REV1: variants seen among roughly 807,000 people sequenced by gnomAD.
REV1 encodes the protein translesion synthesis protein REV1.
In REV1, 42 loss-of-function variants were observed where a neutral mutation model predicts 137.4. The ratio of observed to expected loss-of-function variants is 0.31; its 90% CI spans 0.24 to 0.40. REV1 has a LOEUF of 0.40. Ranked by LOEUF, REV1 falls within the 10% of genes least tolerant of loss-of-function variation. The probability of loss-of-function intolerance (pLI) is 1.00; values close to 1 mark genes in which losing one functional copy is unlikely to be tolerated. For synonymous variants in REV1, 524 were observed against 519.2 expected (o/e 1.01, Z -0.12); for missense variants, 1,282 against 1,490.1 (o/e 0.86, Z 2.30).
intron 3 of REV1, among the ~76,000 whole-genome samples, chr2:99,460,206 A>G (rs922228165): frequency 6.6e-6 from 1 of 152,100 alleles, no homozygotes; most frequent in Non-Finnish European, 1.5e-5. Flanking sequence ...CCTCCCGAGT[A>G]GCTGGGACTA....
intron 9 of REV1, chr2:99,425,015 T>A: frequency 1.4e-6 from 1 of 728,326 alleles, no homozygotes; most frequent in Non-Finnish European, 1.8e-6. Context: ...TTAGTAAAAT[T>A]CTATTTTATC....
chr2:99,448,480 C>T (rs867562872), intron 4 of REV1, among the ~76,000 whole-genome samples: 1 of 152,094 alleles, frequency 6.6e-6, no homozygotes, highest in Non-Finnish European at 1.5e-5. Flanking sequence ...CATTTCCAAA[C>T]CAACAGCAGA....
intron 3 of REV1, among the ~76,000 whole-genome samples, chr2:99,455,964 G>C (rs1196539324): frequency 6.6e-6 from 1 of 152,024 alleles, no homozygotes; most frequent in African/African-American, 2.4e-5. Flanking sequence ...TGTACTAAAG[G>C]AAGTAGAAAA....
chr2:99,474,434 G>C (rs1685745837), intron 1 of REV1, among the ~76,000 whole-genome samples: 1 of 152,176 alleles, frequency 6.6e-6, no homozygotes, highest in Non-Finnish European at 1.5e-5. Flanking sequence ...CTGCTAAAAA[G>C]TTAAGAATAC....
chr2:99,468,317 G>A (rs999857089), intron 1 of REV1, among the ~76,000 whole-genome samples: 1 of 152,166 alleles, frequency 6.6e-6, no homozygotes, highest in African/African-American at 2.4e-5. Context: ...ACACTAAGAT[G>A]ACTGATTTGC....
rs1678247431 is a variant in REV1 at position 99,418,839 on chromosome 2, G to T, written c.1940C>A (p.Thr647Asn). 3.1e-6 allele frequency: 5 copies of T among 1,611,378 alleles called. No individual in the cohort carries two copies. Among genetic ancestry groups the T allele is most frequent in the Admixed American group, 1.7e-5 (1 of 59,906 alleles). Residue 647 changes from threonine (T) to asparagine (N), a missense_variant, in exon 12 of 23, where the codon ACC (threonine) becomes AAC (asparagine). Coordinates refer to ENST00000258428, the MANE Select transcript of REV1 (RefSeq NM_016316.4). ...ATATTTCTATTTACCTGGTAGATTGGTCACTAGCTGGCCTCTGATAAAATC... is the reference window on the plus strand; with the variant it reads ...ATATTTCTATTTACCTGGTAGATTGTTCACTAGCTGGCCTCTGATAAAATC... ...VDDFIRGQLV[T>N]NLPGVGHSME...
intron 11 of REV1, among the ~76,000 whole-genome samples, chr2:99,419,205 A>AT (rs774732084): frequency 0.018 from 2,050 of 115,956 alleles, 34 homozygotes; most frequent in African/African-American, 0.032. Context: ...AGCAGTCCTG[A>AT]TTTTTTTTTT....
intron 17 of REV1, 54 bp from the exon 18 acceptor site, chr2:99,404,731 T>A: frequency 5.9e-6 from 7 of 1,189,770 alleles, no homozygotes; most frequent in Non-Finnish European, 8.6e-6. Flanking sequence ...AGAGATGAGG[T>A]GTTTGGGAGT....
intron 3 of REV1, among the ~76,000 whole-genome samples, chr2:99,460,100 CT>C (rs1684009278): frequency 1.3e-5 from 2 of 152,100 alleles, no homozygotes; most frequent in African/African-American, 4.8e-5. Flanking sequence ...TTTCTATTTT[CT>C]TTTTTTCACT....
intron 1 of REV1, among the ~76,000 whole-genome samples, chr2:99,470,022 G>A (rs531102878): frequency 5.3e-5 from 8 of 151,908 alleles, no homozygotes; most frequent in Non-Finnish European, 1.2e-4. Flanking sequence ...GTGGGAGGCT[G>A]AGGCAGGAGA....
Position 99,449,507 on chromosome 2 carries a change from G to A in REV1, c.182-3C>T. The A allele has an allele frequency of 7.1e-7, 1 of 1,415,268 alleles. No individual in the cohort carries two copies. Among genetic ancestry groups the A allele is most frequent in the Non-Finnish European group, 9.3e-7 (1 of 1,076,732 alleles). 87.7% of individuals were successfully genotyped at this position (1,415,268 alleles called of 1,614,324 possible). A position where few individuals can be genotyped will look rare whatever the true frequency, so the allele number is the denominator to read the frequency against. On this transcript the variant is annotated splice_polypyrimidine_tract_variant and splice_region_variant and intron_variant, in intron 3 of 22. Transcript: ENST00000258428. ...TCTCAATTCCTCAGCGGAAGGATCTGCAAAATTTATATTAAAATATATTAA... is the reference window on the plus strand; with the variant it reads ...TCTCAATTCCTCAGCGGAAGGATCTACAAAATTTATATTAAAATATATTAA...
intron 1 of REV1, among the ~76,000 whole-genome samples, chr2:99,476,883 G>A (rs948960320): frequency 7.2e-5 from 11 of 152,216 alleles, no homozygotes; most frequent in Non-Finnish European, 1.5e-4. Flanking sequence ...TGGAAGTTTC[G>A]TAAGTGGACT....
intron 1 of REV1, among the ~76,000 whole-genome samples, chr2:99,484,975 T>G (rs1157768096): frequency 1.3e-5 from 2 of 152,214 alleles, no homozygotes; most frequent in Admixed American, 6.5e-5. Flanking sequence ...ACACTGCACC[T>G]AGGAAAGAGC....
chr2:99,451,365 G>C (rs1682905130), intron 3 of REV1: 1 of 1,284,038 alleles, frequency 7.8e-7, no homozygotes, highest in African/African-American at 1.5e-5. Flanking sequence ...GCTGCTCTTT[G>C]AAAACTAATT....
At chr2:99,461,317 A>G (rs1684166083) in intron 3 of REV1, among the ~76,000 whole-genome samples, 1 of 152,248 alleles carries the variant, frequency 6.6e-6, no homozygotes, top group African/African-American at 2.4e-5. Context: ...GATTGTGTCC[A>G]GTCACTGTAG....
intron 1 of REV1, among the ~76,000 whole-genome samples, chr2:99,469,094 G>A (rs939092262): frequency 6.6e-6 from 1 of 152,144 alleles, no homozygotes; most frequent in Admixed American, 6.6e-5. Flanking sequence ...AATCTTTGTG[G>A]GGCCATGACT....
At chr2:99,413,254 A>T (rs1409012016) in intron 12 of REV1, among the ~76,000 whole-genome samples, 1 of 152,238 alleles carries the variant, frequency 6.6e-6, no homozygotes, top group Admixed American at 6.5e-5. Context: ...TAATACCAAG[A>T]TATGTATCTT....
chr2:99,438,070 G>T (rs1487528419), intron 6 of REV1, among the ~76,000 whole-genome samples: 4 of 152,164 alleles, frequency 2.6e-5, no homozygotes, highest in Non-Finnish European at 5.9e-5. Context: ...GTATGCTACT[G>T]TGTGTGCATT....
chr2:99,468,375 G>T (rs1336218714), intron 1 of REV1, among the ~76,000 whole-genome samples: 1 of 152,090 alleles, frequency 6.6e-6, no homozygotes, highest in Non-Finnish European at 1.5e-5. Context: ...ATTTAATCAG[G>T]ATACCACTAC....
Sources: allele counts gnomAD v4.1 joint callset (sites outside exome capture counted in the v4.1 genomes callset), GRCh38; gene constraint gnomAD v4.1.1; transcripts MANE v1.5; gene names NCBI Gene and HGNC (gene_info 2026-07-23, HGNC 2026-07-21).